TRPM3: variants seen among roughly 807,000 people sequenced by gnomAD.
TRPM3 encodes the protein long transient receptor potential channel 3.
Under a neutral mutation model 181.2 loss-of-function variants are expected in TRPM3, and 77 were observed. That is an observed-to-expected ratio of 0.42 (90% CI 0.35 to 0.51). The LOEUF is 0.51. TRPM3 is among the 20% of genes least tolerant of loss of function. The pLI is 0.01. For synonymous variants in TRPM3, 745 were observed against 796.4 expected (o/e 0.94, Z 1.09); for missense variants, 1,759 against 2,196.7 (o/e 0.80, Z 3.98).
chr9:70,973,791 A>C (rs561904643), intron 1 of TRPM3, among the ~76,000 whole-genome samples: 1 of 152,338 alleles, frequency 6.6e-6, no homozygotes, highest in South Asian at 2.1e-4. Flanking sequence ...GGGACTAAAA[A>C]TTATAACAAA....
intron 1 of TRPM3, among the ~76,000 whole-genome samples, chr9:71,437,824 C>T (rs1468510668): frequency 6.9e-6 from 1 of 144,972 alleles, no homozygotes; most frequent in African/African-American, 2.6e-5. Context: ...GCAGAGATGG[C>T]ACCACTTCAC....
intron 1 of TRPM3, among the ~76,000 whole-genome samples, chr9:71,042,148 T>C (rs2058899117): frequency 6.6e-6 from 1 of 152,108 alleles, no homozygotes; most frequent in South Asian, 2.1e-4. Context: ...TGGCTTTGTC[T>C]GTTCCATAAC....
At chr9:70,775,460 C>G (rs922082557) in intron 7 of TRPM3, 1 of 152,300 alleles carries the variant, frequency 6.6e-6, no homozygotes, top group Admixed American at 6.6e-5. Context: ...TGAGTGAGAG[C>G]TGGCTCTAGA....
intron 1 of TRPM3, among the ~76,000 whole-genome samples, chr9:71,230,134 C>A (rs1202131674): frequency 6.6e-6 from 1 of 151,914 alleles, no homozygotes; most frequent in African/African-American, 2.4e-5. Flanking sequence ...TCAAAATATG[C>A]CATTAAAATG....
chr9:70,786,362 G>A (rs917696229), intron 6 of TRPM3, among the ~76,000 whole-genome samples: 29 of 146,984 alleles, frequency 2.0e-4, no homozygotes, highest in East Asian at 8.1e-4. Flanking sequence ...GCAGGCGCCT[G>A]TAATCCCAGC....
intron 8 of TRPM3, among the ~76,000 whole-genome samples, chr9:70,752,029 TGTGTGTGTGTGTGTGTGTGTGCGC>T (rs1180578390): frequency 1.5e-4 from 18 of 116,168 alleles, no homozygotes; most frequent in East Asian, 8.5e-4. Flanking sequence ...TGTGTGTGTG[TGTGTGTGTGTGTGTGTGTGTGCGC>T]GCGCGCGCGC....
intron 1 of TRPM3, among the ~76,000 whole-genome samples, chr9:70,997,635 C>G (rs1564931614): frequency 6.6e-6 from 1 of 152,260 alleles, no homozygotes; most frequent in East Asian, 1.9e-4. Flanking sequence ...TGCTCCTTCT[C>G]CTAAGATGGG....
chr9:70,741,005 C>T (rs2073964159), intron 8 of TRPM3, among the ~76,000 whole-genome samples: 1 of 152,182 alleles, frequency 6.6e-6, no homozygotes, highest in Non-Finnish European at 1.5e-5. Context: ...AACAAACAAT[C>T]AGCAGAGTAA....
intron 1 of TRPM3, among the ~76,000 whole-genome samples, chr9:71,095,952 C>T (rs1425975841): frequency 6.6e-6 from 1 of 152,012 alleles, no homozygotes; most frequent in African/African-American, 2.4e-5. Flanking sequence ...CAATTCTCTT[C>T]ATCTATGATC....
intron 1 of TRPM3, among the ~76,000 whole-genome samples, chr9:70,912,778 A>G (rs773297883): frequency 6.6e-6 from 1 of 152,182 alleles, no homozygotes; most frequent in East Asian, 1.9e-4. Context: ...GGCACATTTC[A>G]TGGTATTTTA....
chr9:71,367,763 A>C (rs944517552), intron 1 of TRPM3, among the ~76,000 whole-genome samples: 1 of 152,196 alleles, frequency 6.6e-6, no homozygotes. Flanking sequence ...CCCCCATGTT[A>C]CTAAGTTACT....
At chr9:71,336,123 G>A (rs552369210) in intron 1 of TRPM3, among the ~76,000 whole-genome samples, 1 of 151,210 alleles carries the variant, frequency 6.6e-6, no homozygotes, top group East Asian at 2.0e-4. Flanking sequence ...CACCTAGGAA[G>A]TAAGTAGGAC....
intron 7 of TRPM3, among the ~76,000 whole-genome samples, chr9:70,771,363 G>A (rs535126446): frequency 2.0e-5 from 3 of 152,182 alleles, no homozygotes; most frequent in Admixed American, 1.3e-4. Context: ...CATTAGAGCT[G>A]GATTTAGAAG....
chr9:70,770,339 A>C (rs1250466469), intron 7 of TRPM3, among the ~76,000 whole-genome samples: 1 of 152,168 alleles, frequency 6.6e-6, no homozygotes, highest in African/African-American at 2.4e-5. Context: ...TCTCCCCCAT[A>C]ATGCTTAGGG....
At chr9:70,740,324 C>T (rs1300609322) in intron 8 of TRPM3, among the ~76,000 whole-genome samples, 1 of 152,062 alleles carries the variant, frequency 6.6e-6, no homozygotes, top group Non-Finnish European at 1.5e-5. Context: ...TCATAGATGA[C>T]ACAAAAACAT....
At position 70,536,161 on chromosome 9, in the gene TRPM3, G is replaced by GAGT. The variant is rs1564188097; in HGVS notation, c.4949_4951dup (p.Tyr1650dup). 6.2e-7 allele frequency: 1 copy of GAGT among 1,614,190 alleles called. No homozygotes were observed. Among genetic ancestry groups the GAGT allele is most frequent in the East Asian group, 2.2e-5 (1 of 44,878 alleles). On this transcript the variant is annotated inframe_insertion, in exon 26 of 26. Coordinates refer to ENST00000677713, the MANE Select transcript of TRPM3 (RefSeq NM_001366145.2). ...ATATGGCGCACTTGGCTCCTCTGCC[G>GAGT]AGTAGCTGTTGGCGCGCTCTATCTT...
intron 1 of TRPM3, among the ~76,000 whole-genome samples, chr9:70,946,913 T>A (rs866439074): frequency 6.6e-6 from 1 of 152,218 alleles, no homozygotes; most frequent in African/African-American, 2.4e-5. Flanking sequence ...TGGTATACAG[T>A]GCTATACAGC....
rs534886648 is a variant in TRPM3 at position 70,816,700 on chromosome 9, C to T, written c.973+11147G>A. On this transcript the variant is annotated intron_variant, in intron 6 of 25. Transcript: ENST00000677713. ...TAATATTTTGGAACTTAAAATGTTA[C>T]GAAATGATGTGTAACAAAATATGTG... is the stretch of plus-strand genomic sequence containing the variant. 1.6e-4 allele frequency among the ~76,000 whole-genome samples: 24 copies of T among 152,218 alleles called. No individual in the cohort carries two copies. In the South Asian group the frequency reaches 2.5e-3, roughly 16 times the overall value.
chr9:71,398,238 A>G (rs1469075567), intron 1 of TRPM3, among the ~76,000 whole-genome samples: 1 of 152,212 alleles, frequency 6.6e-6, no homozygotes, highest in Non-Finnish European at 1.5e-5. Context: ...ATGTTAATAG[A>G]AAAAAGCTCA....
Sources: allele counts gnomAD v4.1 joint callset (sites outside exome capture counted in the v4.1 genomes callset), GRCh38; gene constraint gnomAD v4.1.1; transcripts MANE v1.5; gene names NCBI Gene and HGNC (gene_info 2026-07-23, HGNC 2026-07-21).